MLIP: variants seen among roughly 807,000 people sequenced by gnomAD.
The protein encoded by MLIP is muscular LMNA-interacting protein.
MLIP carries 79 observed loss-of-function variants against 84.8 expected under a neutral mutation model. That is an observed-to-expected ratio of 0.93 (90% CI 0.78 to 1.12). The LOEUF is 1.12. MLIP is among the 50% of genes most tolerant of loss of function. The pLI is 0.00. For synonymous variants in MLIP, 504 were observed against 463.0 expected, an observed-to-expected ratio of 1.09 and a Z score of -1.14; for missense variants, 1,257 against 1,160.6, an observed-to-expected ratio of 1.08 and a Z score of -1.21.
intron 9 of MLIP, among the ~76,000 whole-genome samples, chr6:54,171,006 C>T (rs1264678269): frequency 6.6e-6 from 1 of 151,408 alleles, no homozygotes; most frequent in Non-Finnish European, 1.5e-5. Flanking sequence ...TTTTTGCTCT[C>T]TCTCCTTCTT....
intron 1 of MLIP, among the ~76,000 whole-genome samples, chr6:54,063,665 A>T (rs1172889481): frequency 6.7e-6 from 1 of 148,692 alleles, no homozygotes; most frequent in Admixed American, 6.8e-5. Flanking sequence ...CTAAGCTTTT[A>T]AAAAATGGAC....
intron 13 of MLIP, among the ~76,000 whole-genome samples, chr6:54,260,322 C>T (rs564299830): frequency 2.0e-5 from 3 of 151,994 alleles, no homozygotes; most frequent in African/African-American, 7.2e-5. Context: ...TGGTTCTCAA[C>T]CCTGGCTGAA....
At chr6:54,071,991 A>C (rs1766513713) in intron 1 of MLIP, among the ~76,000 whole-genome samples, 1 of 152,206 alleles carries the variant, frequency 6.6e-6, no homozygotes, top group African/African-American at 2.4e-5. Flanking sequence ...ATTATAAAAC[A>C]TTAAGTTTTC....
intron 5 of MLIP, among the ~76,000 whole-genome samples, chr6:54,157,796 C>G (rs1774189522): frequency 6.6e-6 from 1 of 151,906 alleles, no homozygotes; most frequent in African/African-American, 2.4e-5. Context: ...TCAGTTCCTG[C>G]CAATCATTTC....
At chr6:54,227,117 A>G (rs1404194538) in intron 11 of MLIP, among the ~76,000 whole-genome samples, 1 of 152,158 alleles carries the variant, frequency 6.6e-6, no homozygotes, top group Non-Finnish European at 1.5e-5. Context: ...TAATATGTGT[A>G]GCAATTCCCC....
chr6:54,161,824 C>T (rs192219742), intron 8 of MLIP, among the ~76,000 whole-genome samples: 60 of 151,834 alleles, frequency 4.0e-4, no homozygotes, highest in Non-Finnish European at 7.4e-4. Context: ...TATTTGAAGT[C>T]TATTTTGTTG....
chr6:54,245,364 G>C (rs544878580), intron 12 of MLIP, among the ~76,000 whole-genome samples: 2 of 152,280 alleles, frequency 1.3e-5, no homozygotes, highest in South Asian at 4.1e-4. Context: ...GAAGGCTCTA[G>C]AGAATAAATT....
At chr6:54,230,660 G>A (rs751319467) in intron 11 of MLIP, 54 bp from the exon 12 acceptor site, 138 of 1,539,506 alleles carry the variant, frequency 9.0e-5, no homozygotes, top group Non-Finnish European at 1.1e-4. Flanking sequence ...AATTCCAAGC[G>A]TGCTTGACTT....
At chr6:54,020,306 C>T (rs914465181) in intron 1 of MLIP, among the ~76,000 whole-genome samples, 2 of 152,146 alleles carry the variant, frequency 1.3e-5, no homozygotes, top group Non-Finnish European at 2.9e-5. Flanking sequence ...CTAGCCTAAG[C>T]CTATTTTTAA....
At chr6:54,036,242 T>G (rs1294393981) in intron 1 of MLIP, among the ~76,000 whole-genome samples, 3 of 142 alleles carry the variant, frequency 0.021, no homozygotes, top group Non-Finnish European at 0.33. Context: ...GTCACCACTG[T>G]TTTTTTTTTT....
chr6:54,043,332 A>G (rs1186766787), intron 1 of MLIP: 2 of 7,742 alleles, frequency 2.6e-4, no homozygotes, highest in Non-Finnish European at 9.4e-4. Context: ...TGATGTTTTA[A>G]ATGAATAAGA....
chr6:54,216,341 C>T (rs1164175325), intron 11 of MLIP: 1 of 985,156 alleles, frequency 1.0e-6, no homozygotes, highest in African/African-American at 1.7e-5. Flanking sequence ...CTCCTCCATC[C>T]TAAACACCTC....
chr6:54,054,953 TCTCGG>T (rs1765573248), intron 1 of MLIP, among the ~76,000 whole-genome samples: 1 of 152,024 alleles, frequency 6.6e-6, no homozygotes, highest in Admixed American at 6.6e-5. Context: ...ACTGGCTTGA[TCTCGG>T]CTCACTACAA....
At chr6:54,120,956 G>C (rs1314162130) in intron 1 of MLIP, among the ~76,000 whole-genome samples, 6 of 152,144 alleles carry the variant, frequency 3.9e-5, no homozygotes, top group Non-Finnish European at 7.4e-5. Flanking sequence ...TTTAAGAGTA[G>C]CATTGGTATT....
intron 1 of MLIP, chr6:54,041,079 A>G (rs937121401): frequency 5.3e-5 from 8 of 152,092 alleles, no homozygotes; most frequent in Non-Finnish European, 8.8e-5. Flanking sequence ...GAAAGCTGAA[A>G]TTAAAAACAA....
chr6:54,090,911 T>C (rs1257601244), intron 1 of MLIP, among the ~76,000 whole-genome samples: 1 of 152,110 alleles, frequency 6.6e-6, no homozygotes, highest in Non-Finnish European at 1.5e-5. Flanking sequence ...CAGACCAAAA[T>C]GTATCATTGT....
At chr6:54,176,613 A>G (rs1439455685) in intron 9 of MLIP, among the ~76,000 whole-genome samples, 2 of 152,058 alleles carry the variant, frequency 1.3e-5, no homozygotes, top group Non-Finnish European at 2.9e-5. Flanking sequence ...TATTGGGAAA[A>G]TGGCCATACT....
intron 1 of MLIP, among the ~76,000 whole-genome samples, chr6:54,093,097 G>A (rs1430322414): frequency 6.6e-6 from 1 of 151,938 alleles, no homozygotes; most frequent in South Asian, 2.1e-4. Context: ...TGCTGGTCTT[G>A]AACTCTGAAC....
intron 1 of MLIP, among the ~76,000 whole-genome samples, chr6:54,117,328 C>T (rs1179811903): frequency 6.6e-6 from 1 of 150,814 alleles, no homozygotes; most frequent in Non-Finnish European, 1.5e-5. Flanking sequence ...TGTTCTCCTG[C>T]CTCAGCCTCC....
Sources: gnomAD v4.1 joint callset for allele counts (sites outside exome capture counted in the v4.1 genomes callset) on GRCh38, gnomAD v4.1.1 for gene constraint, MANE v1.5 for transcripts, NCBI Gene and HGNC (gene_info 2026-07-23, HGNC 2026-07-21) for gene names.